IQCM: variants seen among roughly 807,000 people sequenced by gnomAD.
IQCM encodes the protein IQ motif containing M.
Under a neutral mutation model 57.6 loss-of-function variants are expected in IQCM, and 45 were observed. The observed-to-expected ratio is 0.78, with a 90% CI of 0.62 to 1.00. IQCM has a LOEUF of 1.00. Among genes scored for constraint, IQCM ranks in the 50% least tolerant of loss-of-function variants. The pLI is 0.00. For synonymous variants in IQCM, 148 were observed against 158.9 expected (o/e 0.93, Z 0.51); for missense variants, 468 against 511.6 (o/e 0.91, Z 0.82).
chr4:149,530,248 C>G (rs1357150991), intron 12 of IQCM, among the ~76,000 whole-genome samples: 1 of 151,974 alleles, frequency 6.6e-6, no homozygotes, highest in African/African-American at 2.4e-5. Context: ...TGTATATATA[C>G]ACATAAAATA....
chr4:149,643,423 A>G (rs1758374789), intron 7 of IQCM, among the ~76,000 whole-genome samples: 1 of 152,172 alleles, frequency 6.6e-6, no homozygotes. Context: ...CTCAAAGACA[A>G]AGCAACTCTA....
At position 149,496,971 on chromosome 4, in the gene IQCM, G is replaced by A. The variant is rs989206249; in HGVS notation, c.1228+51484C>T. ...TATTGGAGGGCACAAAAACAAATAA[G>A]TGTAATAAAATATTTTAAGTGATAG... On this transcript the variant is annotated intron_variant, in intron 12 of 13. Transcript: ENST00000636793. 2.0e-5 allele frequency among the ~76,000 whole-genome samples: 3 copies of A among 152,102 alleles called. No individual in the cohort carries two copies. In the South Asian group the frequency reaches 6.2e-4, roughly 31 times the overall value.
intron 7 of IQCM, among the ~76,000 whole-genome samples, chr4:149,637,051 G>C (rs1757781710): frequency 6.6e-6 from 1 of 150,900 alleles, no homozygotes; most frequent in Non-Finnish European, 1.5e-5. Context: ...GCTGAGGCAG[G>C]AGAATGGCGT....
chr4:149,586,435 G>A (rs1156800358), intron 9 of IQCM, among the ~76,000 whole-genome samples: 1 of 151,436 alleles, frequency 6.6e-6, no homozygotes, highest in African/African-American at 2.4e-5. Context: ...ATGTCTATAG[G>A]ATATACAATT....
chr4:149,598,535 AG>A (rs796745745), intron 8 of IQCM, among the ~76,000 whole-genome samples: 4 of 152,322 alleles, frequency 2.6e-5, no homozygotes, highest in African/African-American at 9.6e-5. Flanking sequence ...GAACAAATAA[AG>A]GGCAAAAAAT....
At chr4:149,619,899 G>C (rs1296364874) in intron 8 of IQCM, among the ~76,000 whole-genome samples, 1 of 152,152 alleles carries the variant, frequency 6.6e-6, no homozygotes, top group Non-Finnish European at 1.5e-5. Flanking sequence ...GCTGACACCT[G>C]TAATCCCAGC....
intron 8 of IQCM, among the ~76,000 whole-genome samples, chr4:149,596,912 A>C (rs1375788652): frequency 6.6e-6 from 1 of 152,164 alleles, no homozygotes; most frequent in East Asian, 1.9e-4. Flanking sequence ...TAAAATACCA[A>C]GAAAAATTAG....
At chr4:149,600,497 G>A (rs998645072) in intron 8 of IQCM, among the ~76,000 whole-genome samples, 2 of 152,122 alleles carry the variant, frequency 1.3e-5, no homozygotes, top group Non-Finnish European at 2.9e-5. Flanking sequence ...GATAATGATG[G>A]AGTTCACATT....
chr4:149,812,548 A>G (rs1774678034), intron 2 of IQCM, among the ~76,000 whole-genome samples: 1 of 151,636 alleles, frequency 6.6e-6, no homozygotes, highest in Non-Finnish European at 1.5e-5. Flanking sequence ...GAGGATAGTA[A>G]AATCCACTAT....
chr4:149,509,645 G>T (rs889392779), intron 12 of IQCM, among the ~76,000 whole-genome samples: 3 of 152,086 alleles, frequency 2.0e-5, no homozygotes, highest in African/African-American at 4.8e-5. Flanking sequence ...AGAAAAGTCT[G>T]CTTATTAGTG....
intron 3 of IQCM, among the ~76,000 whole-genome samples, chr4:149,742,166 G>A (rs1331791613): frequency 1.3e-5 from 2 of 151,360 alleles, no homozygotes; most frequent in Non-Finnish European, 2.9e-5. Context: ...ATTCTTTTTT[G>A]TTCTATCTTC....
At chr4:149,559,413 T>C (rs1457366092) in intron 10 of IQCM, among the ~76,000 whole-genome samples, 4 of 152,128 alleles carry the variant, frequency 2.6e-5, no homozygotes, top group Admixed American at 6.5e-5. Flanking sequence ...GCCCCTTAAA[T>C]GTAAATAGCT....
chr4:149,600,276 G>A (rs1020585567), intron 8 of IQCM, among the ~76,000 whole-genome samples: 2 of 152,092 alleles, frequency 1.3e-5, no homozygotes. Flanking sequence ...TGTGCTTTAT[G>A]TGTATTATCT....
intron 2 of IQCM, among the ~76,000 whole-genome samples, chr4:149,768,629 G>A (rs1003510787): frequency 6.6e-6 from 1 of 152,116 alleles, no homozygotes; most frequent in African/African-American, 2.4e-5. Flanking sequence ...GCAGAATTCA[G>A]CCTGTGACAT....
intron 9 of IQCM, among the ~76,000 whole-genome samples, chr4:149,571,762 G>A (rs1434340171): frequency 6.6e-6 from 1 of 151,968 alleles, no homozygotes; most frequent in Non-Finnish European, 1.5e-5. Flanking sequence ...ATACAATTTT[G>A]TCTGTAAATA....
At chr4:149,757,323 C>T (rs1399267989) in intron 2 of IQCM, among the ~76,000 whole-genome samples, 2 of 151,408 alleles carry the variant, frequency 1.3e-5, no homozygotes, top group Admixed American at 1.3e-4. Context: ...AAGCAGAAAC[C>T]TAAATTAAGA....
intron 8 of IQCM, among the ~76,000 whole-genome samples, chr4:149,591,981 C>A (rs1050418782): frequency 2.0e-5 from 3 of 152,100 alleles, no homozygotes; most frequent in East Asian, 3.9e-4. Flanking sequence ...AACGGGATGG[C>A]TGGGTCAAAT....
At chr4:149,642,128 T>A (rs2150116853) in intron 7 of IQCM, among the ~76,000 whole-genome samples, 1 of 152,290 alleles carries the variant, frequency 6.6e-6, no homozygotes, top group African/African-American at 2.4e-5. Flanking sequence ...AACTAATTAA[T>A]ATGACATTTA....
chr4:149,524,653 A>G (rs78972314), intron 12 of IQCM, among the ~76,000 whole-genome samples: 3,374 of 151,952 alleles, frequency 0.022, 96 homozygotes, highest in South Asian at 0.14. Context: ...AAAATTAGTA[A>G]TGGTAGAAGC....
Sources: gnomAD v4.1 joint callset for allele counts (sites outside exome capture counted in the v4.1 genomes callset) on GRCh38, gnomAD v4.1.1 for gene constraint, MANE v1.5 for transcripts, NCBI Gene and HGNC (gene_info 2026-07-23, HGNC 2026-07-21) for gene names.